MOXD1: variants seen among roughly 807,000 people sequenced by gnomAD.
The protein encoded by MOXD1 is DBH-like monooxygenase protein 1.
MOXD1 carries 62 observed loss-of-function variants against 66.6 expected under a neutral mutation model. That is an observed-to-expected ratio of 0.93 (90% CI 0.76 to 1.15). The LOEUF is 1.15. Among genes scored for constraint, MOXD1 ranks in the 50% most tolerant of loss-of-function variants. The pLI, the probability that MOXD1 is intolerant of heterozygous loss-of-function variation, is 0.00. For missense variants in MOXD1, 847 were observed against 754.6 expected (o/e 1.12, Z -1.44); for synonymous variants, 303 against 281.9 (o/e 1.07, Z -0.75).
intron 10 of MOXD1, among the ~76,000 whole-genome samples, chr6:132,314,257 C>T (rs672354): frequency 0.51 from 78,253 of 152,020 alleles, 23,818 homozygotes; most frequent in African/African-American, 0.85. Flanking sequence ...CCTGTGGGTG[C>T]TCCTTTCAAA....
Position 132,390,368 on chromosome 6 carries a change from T to G in MOXD1, c.264+10795A>C, listed in dbSNP as rs1244113581. On this transcript the variant is annotated intron_variant, in intron 1 of 11. Coordinates refer to ENST00000367963, the MANE Select transcript of MOXD1 (RefSeq NM_015529.4). ...TCAAAACTTGGGACACTTGTTTTCTTTCATGTTTTGAGTATCAGCATCCTG... is the reference window on the plus strand; with the variant it reads ...TCAAAACTTGGGACACTTGTTTTCTGTCATGTTTTGAGTATCAGCATCCTG... 4.6e-5 allele frequency: 7 copies of G among 151,506 alleles called. No homozygotes were observed. In the East Asian group the frequency reaches 1.2e-3, roughly 25 times the overall value. 9.4% of individuals were successfully genotyped at this position (151,506 alleles called of 1,614,324 possible).
intron 3 of MOXD1, 69 bp downstream of exon 3, chr6:132,372,761 T>C: frequency 1.2e-6 from 2 of 1,608,324 alleles, no homozygotes; most frequent in Non-Finnish European, 1.7e-6. Flanking sequence ...TACAATAATG[T>C]AAGCAAAAAT....
At chr6:132,303,886 T>A (rs76809741) in intron 10 of MOXD1, among the ~76,000 whole-genome samples, 29 of 84,934 alleles carry the variant, frequency 3.4e-4, no homozygotes, top group African/African-American at 6.1e-4. Context: ...TATACATATA[T>A]ACATAAAACC....
At chr6:132,357,405 T>TA (rs1775928924) in intron 4 of MOXD1, among the ~76,000 whole-genome samples, 1 of 152,092 alleles carries the variant, frequency 6.6e-6, no homozygotes, top group African/African-American at 2.4e-5. Flanking sequence ...TACAAACACT[T>TA]ACAATAAGAG....
chr6:132,309,492 A>G (rs1289122014), intron 10 of MOXD1, among the ~76,000 whole-genome samples: 1 of 152,224 alleles, frequency 6.6e-6, no homozygotes, highest in Non-Finnish European at 1.5e-5. Context: ...ACTACCATTG[A>G]CATTCTTTAC....
At chr6:132,396,504 T>C (rs889011690) in intron 1 of MOXD1, among the ~76,000 whole-genome samples, 10 of 150,058 alleles carry the variant, frequency 6.7e-5, no homozygotes, top group African/African-American at 2.4e-4. Context: ...ACACCCAAAA[T>C]TAGTAGGAGA....
intron 4 of MOXD1, among the ~76,000 whole-genome samples, chr6:132,341,450 T>G (rs567761668): frequency 1.3e-5 from 2 of 152,338 alleles, no homozygotes; most frequent in African/African-American, 4.8e-5. Flanking sequence ...GTTTAGTAAC[T>G]TGCCTTTTGG....
At chr6:132,308,883 G>A (rs1345739625) in intron 10 of MOXD1, among the ~76,000 whole-genome samples, 1 of 152,070 alleles carries the variant, frequency 6.6e-6, no homozygotes, top group African/African-American at 2.4e-5. Flanking sequence ...AATAATAAGA[G>A]CTATTTATGT....
At chr6:132,310,510 G>C (rs1774804770) in intron 10 of MOXD1, among the ~76,000 whole-genome samples, 2 of 152,116 alleles carry the variant, frequency 1.3e-5, no homozygotes, top group South Asian at 2.1e-4. Context: ...ATACCCAAAA[G>C]AATATAAATC....
intron 4 of MOXD1, among the ~76,000 whole-genome samples, chr6:132,359,088 C>T (rs749885898): frequency 2.0e-4 from 30 of 152,052 alleles, no homozygotes; most frequent in Non-Finnish European, 3.5e-4. Flanking sequence ...AACTGAAAGG[C>T]CATCGTCCTC....
At chr6:132,335,375 A>T (rs1008854957) in intron 4 of MOXD1, among the ~76,000 whole-genome samples, 1 of 152,122 alleles carries the variant, frequency 6.6e-6, no homozygotes, top group Non-Finnish European at 1.5e-5. Context: ...CTTATTTGAA[A>T]ATAGGGTTTT....
At chr6:132,356,994 A>G (rs1483174315) in intron 4 of MOXD1, among the ~76,000 whole-genome samples, 1 of 152,038 alleles carries the variant, frequency 6.6e-6, no homozygotes, top group African/African-American at 2.4e-5. Context: ...TACACTGGAA[A>G]TGAAACAAAT....
At position 132,387,133 on chromosome 6, in the gene MOXD1, G is replaced by A. The variant is rs1407229089; in HGVS notation, c.265-12356C>T. On this transcript the variant is annotated intron_variant, in intron 1 of 11. Transcript: ENST00000367963. ...AAGCTATTTCCAGAAGGAGTCCTCT[G>A]GTGTGGTCAGCCTAAGATAGGGTGC... Among the ~76,000 whole-genome samples the A allele has an allele frequency of 2.0e-5, 3 of 151,340 alleles. No individual in the cohort carries two copies. In the East Asian group the frequency reaches 5.8e-4, roughly 29 times the overall value.
chr6:132,320,579 A>G (rs372984007), intron 9 of MOXD1, 50 bp downstream of exon 9: 7 of 1,441,696 alleles, frequency 4.9e-6, no homozygotes, highest in Middle Eastern at 2.1e-4. Context: ...AATCAAGTTT[A>G]TTTCTTTCTC....
intron 10 of MOXD1, among the ~76,000 whole-genome samples, chr6:132,310,669 A>G (rs1322592612): frequency 6.6e-6 from 1 of 152,222 alleles, no homozygotes; most frequent in Non-Finnish European, 1.5e-5. Context: ...TGATGCCACA[A>G]AAAGGAATGA....
intron 4 of MOXD1, among the ~76,000 whole-genome samples, chr6:132,345,956 T>A (rs1011909896): frequency 2.0e-5 from 3 of 152,194 alleles, no homozygotes; most frequent in Non-Finnish European, 4.4e-5. Flanking sequence ...TCTTTGGTTC[T>A]GTATCAAACA....
rs137926681 is a variant in MOXD1, at chr6:132,386,697, C to A, written c.265-11920G>T. ...AAGGAAACCTAATCCCAGCTCCCAC[C>A]AAAGGAGAATTTGTCTCAAAAATGT... is the stretch of plus-strand genomic sequence containing the variant. On this transcript the variant is annotated intron_variant, in intron 1 of 11. Transcript: ENST00000367963. Among the ~76,000 whole-genome samples the A allele has an allele frequency of 2.7e-3, 407 of 151,472 alleles. 3 individuals carry two copies. The highest frequency in any genetic ancestry group is 9.1e-3 in the African/African-American group (379 of 41,478).
At chr6:132,344,535 C>A (rs1775631382) in intron 4 of MOXD1, among the ~76,000 whole-genome samples, 1 of 152,204 alleles carries the variant, frequency 6.6e-6, no homozygotes, top group South Asian at 2.1e-4. Flanking sequence ...AACCAAGCCA[C>A]AAGTCTTGGA....
chr6:132,304,489 G>T (rs1180063607), intron 10 of MOXD1, among the ~76,000 whole-genome samples: 1 of 152,112 alleles, frequency 6.6e-6, no homozygotes, highest in African/African-American at 2.4e-5. Context: ...AACCAAGAAT[G>T]GGCTGCTTGT....
Sources: allele counts gnomAD v4.1 joint callset (sites outside exome capture counted in the v4.1 genomes callset), GRCh38; gene constraint gnomAD v4.1.1; transcripts MANE v1.5; gene names NCBI Gene and HGNC (gene_info 2026-07-23, HGNC 2026-07-21).